The following LNPK variants were observed in gnomAD, a reference collection of about 807,000 sequenced individuals.
LNPK encodes the protein endoplasmic reticulum junction formation protein lunapark.
In LNPK, 29 loss-of-function variants were observed where a neutral mutation model predicts 55.2. The observed-to-expected ratio is 0.53, with a 90% CI of 0.39 to 0.72. The LOEUF is 0.72. LNPK is among the 30% of genes least tolerant of loss of function. The pLI is 0.00. For synonymous variants in LNPK, 162 were observed against 168.2 expected (o/e 0.96, Z 0.29); for missense variants, 467 against 494.8 (o/e 0.94, Z 0.53).
At chr2:175,995,483 G>T (rs1237425214) in intron 2 of LNPK, 75 bp downstream of exon 2, 1 of 1,143,304 alleles carries the variant, frequency 8.7e-7, no homozygotes, top group Non-Finnish European at 1.3e-6. Context: ...ATAATCAAAG[G>T]AGACTTTCAC....
At chr2:175,994,355 A>G (rs1574904850) in intron 2 of LNPK, 2 of 982,708 alleles carry the variant, frequency 2.0e-6, no homozygotes, top group East Asian at 1.1e-4. Context: ...AACAGGGTCA[A>G]TATAATGCTG....
At chr2:175,943,795 TAAA>T (rs1294606390) in intron 9 of LNPK, among the ~76,000 whole-genome samples, 1 of 152,042 alleles carries the variant, frequency 6.6e-6, no homozygotes, top group African/African-American at 2.4e-5. Context: ...GAGTATTTAT[TAAA>T]ACAAAAAACC....
intron 9 of LNPK, among the ~76,000 whole-genome samples, chr2:175,947,005 T>C (rs1461663942): frequency 1.3e-5 from 2 of 151,470 alleles, no homozygotes; most frequent in Admixed American, 6.6e-5. Flanking sequence ...TAAGGTTCTA[T>C]GCCTTAAAAA....
At chr2:175,976,614 T>C (rs1574876678) in intron 5 of LNPK, among the ~76,000 whole-genome samples, 1 of 152,174 alleles carries the variant, frequency 6.6e-6, no homozygotes, top group Non-Finnish European at 1.5e-5. Context: ...AAGGCCTGAA[T>C]AGAACAAAAA....
At chr2:175,939,284 T>G (rs1446583765) in intron 10 of LNPK, among the ~76,000 whole-genome samples, 1 of 152,174 alleles carries the variant, frequency 6.6e-6, no homozygotes, top group Admixed American at 6.5e-5. Context: ...TTTTGCTTTT[T>G]AAGTTTAAAA....
At chr2:175,941,883 G>C (rs919976060) in intron 9 of LNPK, among the ~76,000 whole-genome samples, 3 of 110,510 alleles carry the variant, frequency 2.7e-5, no homozygotes, top group Non-Finnish European at 5.9e-5. Flanking sequence ...CAGAGAAAAA[G>C]ATAAGAATGA....
Position 175,970,780 on chromosome 2 carries a change from G to T in LNPK, c.341C>A (p.Ser114Tyr). ...RNNEALDDLKSQRKKILEEVM... is the reference protein window; with the variant it reads ...RNNEALDDLKYQRKKILEEVM... ...TTAACTTACTATTTTTTTCCTCTGG[G>T]ATTTTAAATCATCCAATGCTTCATC... The change falls in exon 6 of 13, where the codon TCC (serine) becomes TAC (tyrosine). Residue 114 changes from serine (S) to tyrosine (Y), a missense_variant. By Grantham distance (144) the Ser-to-Tyr change is moderately radical. Coordinates refer to ENST00000272748, the MANE Select transcript of LNPK (RefSeq NM_030650.3). The T allele has an allele frequency of 1.4e-6, 2 of 1,383,808 alleles. No individual in the cohort carries two copies. The highest frequency in any genetic ancestry group is 1.5e-5 in the South Asian group (1 of 65,764). 85.7% of individuals were successfully genotyped at this position (1,383,808 alleles called of 1,614,324 possible).
chr2:175,956,666 C>T (rs1164687687), intron 8 of LNPK, among the ~76,000 whole-genome samples: 1 of 152,216 alleles, frequency 6.6e-6, no homozygotes, highest in Non-Finnish European at 1.5e-5. Context: ...CCTACATTTG[C>T]AGGTTGCAGT....
At chr2:175,993,710 T>C (rs1407591082) in intron 2 of LNPK, among the ~76,000 whole-genome samples, 2 of 152,028 alleles carry the variant, frequency 1.3e-5, no homozygotes, top group African/African-American at 4.8e-5. Flanking sequence ...CGAGAATTGA[T>C]TGAACCCGGG....
chr2:175,942,212 T>C (rs1408504495), intron 9 of LNPK, among the ~76,000 whole-genome samples: 1 of 152,200 alleles, frequency 6.6e-6, no homozygotes, highest in Non-Finnish European at 1.5e-5. Context: ...CCTTAAAAGA[T>C]AACTGACTGC....
chr2:175,940,095 A>T (rs964206127), intron 9 of LNPK, among the ~76,000 whole-genome samples: 2 of 152,124 alleles, frequency 1.3e-5, no homozygotes, highest in Non-Finnish European at 2.9e-5. Context: ...ATGAAGTAAC[A>T]GTTTTAAAGA....
intron 8 of LNPK, among the ~76,000 whole-genome samples, chr2:175,956,218 C>T (rs940917205): frequency 4.1e-5 from 6 of 147,668 alleles, no homozygotes; most frequent in South Asian, 2.1e-4. Context: ...ATGTTGAGGT[C>T]GCAGTAAGCC....
Position 175,928,613 on chromosome 2 carries a change from C to T in LNPK, c.*1354G>A, listed in dbSNP as rs1227597584. On this transcript the variant is annotated 3_prime_UTR_variant, in exon 13 of 13. Transcript: ENST00000272748. ...TGTTCAGTTGTTAATAAACTGTGTG[C>T]AACTTAGAAACATTAGCCAAACACA... 1 of 151,052 alleles carries T rather than the reference C, an allele frequency of 6.6e-6. No homozygotes were observed. Among genetic ancestry groups the T allele is most frequent in the Non-Finnish European group, 1.5e-5 (1 of 67,846 alleles). The allele number at this position is 151,052 out of a possible 1,614,324, so 9.4% of individuals were successfully genotyped here.
rs775923588 is a variant in LNPK, at chr2:175,995,543, A to G, written c.27+15T>C. The stretch of plus-strand genomic sequence containing the variant: ...TATTAGACTCAAGAACTAGCTGTAA[A>G]GAAAAGTACCTTACCCTCCATCGAG... On this transcript the variant is annotated intron_variant, in intron 2 of 12. Coordinates refer to ENST00000272748, the MANE Select transcript of LNPK (RefSeq NM_030650.3). 1 of 1,598,898 alleles carries G rather than the reference A, an allele frequency of 6.3e-7. No individual in the cohort carries two copies. The highest frequency in any genetic ancestry group is 8.5e-7 in the Non-Finnish European group (1 of 1,171,048).
chr2:175,940,922 C>T (rs997993062), intron 9 of LNPK: 3 of 450,436 alleles, frequency 6.7e-6, no homozygotes, highest in African/African-American at 6.1e-5. Flanking sequence ...CACAAAAAAA[C>T]TGGTGAACTT....
chr2:175,946,695 T>C (rs966102855), intron 9 of LNPK, among the ~76,000 whole-genome samples: 1 of 152,098 alleles, frequency 6.6e-6, no homozygotes, highest in African/African-American at 2.4e-5. Context: ...TATATATTAG[T>C]AATTAGTCAT....
At chr2:175,990,734 AC>A (rs1687665461) in intron 4 of LNPK, among the ~76,000 whole-genome samples, 1 of 152,156 alleles carries the variant, frequency 6.6e-6, no homozygotes, top group South Asian at 2.1e-4. Context: ...TTGTTGGATA[AC>A]CGGTCTGTGC....
intron 8 of LNPK, among the ~76,000 whole-genome samples, chr2:175,960,066 T>C (rs1277892585): frequency 6.6e-6 from 1 of 152,076 alleles, no homozygotes; most frequent in African/African-American, 2.4e-5. Context: ...ATAAGGTAAG[T>C]CCTTAGCAAC....
At chr2:175,967,580 G>C in intron 6 of LNPK, 3 of 905,024 alleles carry the variant, frequency 3.3e-6, no homozygotes, top group Non-Finnish European at 4.0e-6. Context: ...CTTTCATTTT[G>C]CATTAACTTT....
Sources: allele counts gnomAD v4.1 joint callset (sites outside exome capture counted in the v4.1 genomes callset), GRCh38; gene constraint gnomAD v4.1.1; transcripts MANE v1.5; gene names NCBI Gene and HGNC (gene_info 2026-07-23, HGNC 2026-07-21).